The following NUP210L variants were observed in gnomAD, a reference collection of about 807,000 sequenced individuals.
NUP210L encodes nuclear pore membrane glycoprotein 210-like.
Under a neutral mutation model 208.5 loss-of-function variants are expected in NUP210L, and 74 were observed. The ratio of observed to expected loss-of-function variants is 0.35; its 90% CI spans 0.29 to 0.43. NUP210L has a LOEUF of 0.43. Among genes scored for constraint, NUP210L ranks in the 20% least tolerant of loss-of-function variants. The probability of loss-of-function intolerance (pLI) is 1.00; values close to 1 mark genes in which losing one functional copy is unlikely to be tolerated. For synonymous variants in NUP210L, 780 were observed against 816.9 expected (o/e 0.95, Z 0.77); for missense variants, 1,843 against 2,289.4 (o/e 0.81, Z 3.98).
intron 17 of NUP210L, among the ~76,000 whole-genome samples, chr1:154,064,541 T>C (rs893613391): frequency 6.6e-6 from 1 of 152,100 alleles, no homozygotes; most frequent in African/African-American, 2.4e-5. Context: ...CAAGACGAGG[T>C]TAGGTCTCCC....
chr1:154,100,607 C>T (rs1656420224), intron 13 of NUP210L, among the ~76,000 whole-genome samples: 1 of 145,020 alleles, frequency 6.9e-6, no homozygotes, highest in Admixed American at 7.2e-5. Context: ...CAACCTCAGC[C>T]TCCTGGTTTC....
chr1:154,048,642 C>G (rs1472143387), intron 25 of NUP210L, among the ~76,000 whole-genome samples: 1 of 152,134 alleles, frequency 6.6e-6, no homozygotes, highest in African/African-American at 2.4e-5. Flanking sequence ...AATGTCTGTC[C>G]CCCACCACAG....
chr1:154,002,051 G>A, intron 35 of NUP210L, 66 bp from the exon 36 acceptor site: 1 of 1,509,434 alleles, frequency 6.6e-7, no homozygotes, highest in Non-Finnish European at 9.0e-7. Context: ...ACTGAATTAG[G>A]ATAGGAAGGG....
intron 14 of NUP210L, among the ~76,000 whole-genome samples, chr1:154,097,783 A>G (rs1656247588): frequency 6.6e-6 from 1 of 152,198 alleles, no homozygotes; most frequent in South Asian, 2.1e-4. Flanking sequence ...GTAGATACCA[A>G]TTTTAGCTAC....
At chr1:154,039,879 T>G (rs1652770625) in intron 27 of NUP210L, 1 of 152,222 alleles carries the variant, frequency 6.6e-6, no homozygotes, top group African/African-American at 2.4e-5. Flanking sequence ...ATTATCCCTT[T>G]GAATAAACTT....
intron 35 of NUP210L, among the ~76,000 whole-genome samples, chr1:154,004,854 C>CTTT (rs34638973): frequency 1.2e-4 from 14 of 114,208 alleles, no homozygotes; most frequent in Admixed American, 4.3e-4. Context: ...TTCTTTCTTT[C>CTTT]TTTTTTTTTT....
intron 12 of NUP210L, among the ~76,000 whole-genome samples, chr1:154,113,250 A>G (rs1452316022): frequency 6.7e-6 from 1 of 149,132 alleles, no homozygotes; most frequent in Non-Finnish European, 1.5e-5. Context: ...ATGAACATAT[A>G]TAAATACATT....
At chr1:154,089,480 C>T (rs533963354) in exon 16 of NUP210L, 1 of 1,614,146 alleles carries the variant, frequency 6.2e-7, no homozygotes, top group South Asian at 1.1e-5. Flanking sequence ...ACCTTGTATA[C>T]TGGAGTTACT....
chr1:154,147,310 A>G (rs1659165440), intron 2 of NUP210L, among the ~76,000 whole-genome samples: 1 of 152,086 alleles, frequency 6.6e-6, no homozygotes, highest in Non-Finnish European at 1.5e-5. Flanking sequence ...AAAAAGTTAG[A>G]CAAACCCAAA....
At chr1:154,059,397 G>T (rs774792498) in intron 20 of NUP210L, among the ~76,000 whole-genome samples, 2 of 152,012 alleles carry the variant, frequency 1.3e-5, no homozygotes, top group African/African-American at 2.4e-5. Flanking sequence ...TACTCAGAAG[G>T]CTGAGGTGGA....
chr1:154,050,448 T>A (rs1255990856), intron 25 of NUP210L, among the ~76,000 whole-genome samples: 1 of 152,202 alleles, frequency 6.6e-6, no homozygotes. Flanking sequence ...GATTTGCTAA[T>A]GTTTTCAATT....
At chr1:154,006,827 T>TATATATATATATATATGTATATATATAA (rs1650557643) in intron 35 of NUP210L, among the ~76,000 whole-genome samples, 2 of 137,104 alleles carry the variant, frequency 1.5e-5, no homozygotes, top group Non-Finnish European at 3.1e-5. Flanking sequence ...CATATATATA[T>TATATATATATATATATGTATATATATAA]ATATATATAT....
chr1:154,033,007 A>T (rs1652343240), intron 27 of NUP210L, among the ~76,000 whole-genome samples: 1 of 151,404 alleles, frequency 6.6e-6, no homozygotes, highest in South Asian at 2.1e-4. Context: ...GAAAGAAAAA[A>T]AGAAAGAAAG....
chr1:154,154,779 A>C, intron 1 of NUP210L, 63 bp downstream of exon 1: 1 of 1,319,236 alleles, frequency 7.6e-7, no homozygotes, highest in Non-Finnish European at 1.1e-6. Flanking sequence ...TACAGAGGGA[A>C]CCCCCCTCAC....
At chr1:154,028,569 A>G (rs906831030) in intron 28 of NUP210L, among the ~76,000 whole-genome samples, 4 of 152,190 alleles carry the variant, frequency 2.6e-5, no homozygotes, top group Admixed American at 2.6e-4. Context: ...CCTAAGCAAC[A>G]GAGTGAAACT....
In NUP210L at chr1:154,127,131, AAAG is replaced by A. The variant is rs970982508; in HGVS notation, c.1185+177_1185+179del. Among the ~76,000 whole-genome samples, 125 of 151,702 alleles carry A rather than the reference AAAG, an allele frequency of 8.2e-4. 1 individual carries two copies. Among genetic ancestry groups the A allele is most frequent in the Middle Eastern group, 6.8e-3 (2 of 292 alleles). Reference sequence around the variant, plus strand: ...TTTAAAAAAAAAAAAAAAAGAAGAAAAAGAAGAAGAAGAAGAAGAGAATTAATG... The same window carrying A: ...TTTAAAAAAAAAAAAAAAAGAAGAAAAAGAAGAAGAAGAAGAGAATTAATG... On this transcript the variant is annotated intron_variant, in intron 9 of 39. Coordinates refer to ENST00000368559, the Ensembl canonical transcript of NUP210L.
chr1:154,019,212 T>C, intron 32 of NUP210L, 143 bp from the exon 33 acceptor site: 1 of 734,536 alleles, frequency 1.4e-6, no homozygotes. Context: ...GATAACTGTT[T>C]TCTCAGTGTC....
intron 7 of NUP210L, among the ~76,000 whole-genome samples, chr1:154,130,824 A>G (rs1480543939): frequency 6.6e-6 from 1 of 151,586 alleles, no homozygotes; most frequent in Non-Finnish European, 1.5e-5. Context: ...GACTCAAGCA[A>G]TCCTCCTGCC....
chr1:154,078,273 A>T (rs944771526), intron 16 of NUP210L, among the ~76,000 whole-genome samples: 13 of 151,690 alleles, frequency 8.6e-5, no homozygotes, highest in Non-Finnish European at 1.8e-4. Context: ...ACCATGAATC[A>T]GCCAGGAAAA....
Sources: gnomAD v4.1 joint callset for allele counts (sites outside exome capture counted in the v4.1 genomes callset) on GRCh38, gnomAD v4.1.1 for gene constraint, MANE v1.5 for transcripts, NCBI Gene and HGNC (gene_info 2026-07-23, HGNC 2026-07-21) for gene names.